The following DFFB variants were observed in gnomAD, a reference collection of about 807,000 sequenced individuals.
DFFB encodes the protein DNA fragmentation factor 40 kDa subunit.
Under a neutral mutation model 32.7 loss-of-function variants are expected in DFFB, and 29 were observed. The observed-to-expected ratio is 0.89, with a 90% confidence interval of 0.66 to 1.21. The LOEUF (loss-of-function observed/expected upper bound fraction) is 1.21. DFFB is among the 50% of genes most tolerant of loss of function. DFFB has a pLI of 0.00. For missense variants in DFFB, 398 were observed against 440.6 expected, an observed-to-expected ratio of 0.90 and a Z score of 0.87; for synonymous variants, 170 against 177.1, an observed-to-expected ratio of 0.96 and a Z score of 0.32.
chr1:3,877,709 C>T (rs12132240), intron 6 of DFFB, among the ~76,000 whole-genome samples: 22,832 of 152,016 alleles, frequency 0.15, 1,935 homozygotes, highest in East Asian at 0.29. Context: ...TTTTAGTTTC[C>T]GAGCATGTTT....
chr1:3,877,965 C>T (rs1388910638), intron 6 of DFFB, among the ~76,000 whole-genome samples: 1 of 152,086 alleles, frequency 6.6e-6, no homozygotes, highest in East Asian at 1.9e-4. Flanking sequence ...CCAAGGGTAA[C>T]AGCCTTTCGT....
intron 2 of DFFB, among the ~76,000 whole-genome samples, chr1:3,859,222 C>T (rs190293169): frequency 6.6e-6 from 1 of 151,880 alleles, no homozygotes; most frequent in Non-Finnish European, 1.5e-5. Context: ...GGCTGAGCAC[C>T]CTTCTGGAAG....
chr1:3,875,938 G>T (rs112611665), intron 6 of DFFB, among the ~76,000 whole-genome samples: 4,217 of 152,046 alleles, frequency 0.028, 169 homozygotes, highest in African/African-American at 0.096. Context: ...CACCACACCC[G>T]GCTAATTTTT....
At chr1:3,866,283 G>C (rs2124736988) in intron 3 of DFFB, 1 of 499,418 alleles carries the variant, frequency 2.0e-6, no homozygotes, top group East Asian at 5.4e-5. Flanking sequence ...CTGTCCCCCA[G>C]GCTGGAGTGC....
intron 4 of DFFB, among the ~76,000 whole-genome samples, chr1:3,868,623 C>T (rs1420010525): frequency 6.6e-6 from 1 of 151,964 alleles, no homozygotes. Flanking sequence ...GACCACACCA[C>T]ACCAGGCCAC....
intron 2 of DFFB, among the ~76,000 whole-genome samples, chr1:3,862,490 A>G (rs72848452): frequency 0.036 from 5,490 of 152,324 alleles, 354 homozygotes; most frequent in African/African-American, 0.13. Flanking sequence ...AGTAATCAAG[A>G]CTGACACTGG....
At chr1:3,866,117 G>A (rs1644975450) in intron 3 of DFFB, 117 bp downstream of exon 3, 1 of 866,062 alleles carries the variant, frequency 1.2e-6, no homozygotes, top group Admixed American at 2.5e-5. Flanking sequence ...GTGGGTTGAG[G>A]TGGGGGACTT....
intron 1 of DFFB, 146 bp from the exon 2 acceptor site, chr1:3,858,572 G>C (rs1304003477): frequency 3.0e-6 from 3 of 990,908 alleles, no homozygotes; most frequent in Non-Finnish European, 3.0e-6. Context: ...ATCCTTGCCT[G>C]GGCGTTGGAG....
chr1:3,866,633 A>G (rs1007141140), intron 3 of DFFB, among the ~76,000 whole-genome samples: 1 of 152,160 alleles, frequency 6.6e-6, no homozygotes, highest in Non-Finnish European at 1.5e-5. Context: ...GGCATTAGGT[A>G]CAGTCACATT....
rs199990676 is a variant in DFFB, at chr1:3,869,555, G to A, written c.511-50G>A. The A allele has an allele frequency of 2.6e-6, 4 of 1,567,900 alleles. No homozygotes were observed. The East Asian group carries it at 9.0e-5, about 35-fold the overall frequency. On this transcript the variant is annotated intron_variant, in intron 4 of 6. Coordinates refer to ENST00000378209, the MANE Select transcript of DFFB (RefSeq NM_004402.4). ...TGAGATGGATCGAGAGCCAGTGCGG[G>A]TTTTGGGGCGCTGTGCACCAGGCTC...
chr1:3,878,290 T>C (rs1179454832), intron 6 of DFFB, among the ~76,000 whole-genome samples: 1 of 152,150 alleles, frequency 6.6e-6, no homozygotes, highest in Non-Finnish European at 1.5e-5. Context: ...TAGCTGGGAT[T>C]ACAGGCACCT....
intron 2 of DFFB, among the ~76,000 whole-genome samples, chr1:3,863,868 G>C (rs957726829): frequency 1.3e-5 from 2 of 152,130 alleles, no homozygotes; most frequent in African/African-American, 4.8e-5. Flanking sequence ...AGAGTATGAG[G>C]TTTCTTTTTG....
rs147517965 is a variant in DFFB, at chr1:3,858,817, C to G, written c.214C>G (p.Leu72Val). ...TCCCGACAACGCCGAGCTGGTGCTG[C>G]TCACCTTGGGCCAGGCCTGGCAGGG... ...SVPDNAELVLLTLGQAWQGYV... is the reference protein window; with the variant it reads ...SVPDNAELVLVTLGQAWQGYV... Residue 72 changes from leucine (L) to valine (V), a missense_variant, in exon 2 of 7, where the codon CTC (leucine) becomes GTC (valine). By Grantham distance (32) the Leu-to-Val change is conservative. Coordinates refer to ENST00000378209, the MANE Select transcript of DFFB (RefSeq NM_004402.4). 5.0e-6 allele frequency: 8 copies of G among 1,613,942 alleles called. No individual in the cohort carries two copies. In the African/African-American group the frequency reaches 1.1e-4, roughly 22 times the overall value.
intron 3 of DFFB, among the ~76,000 whole-genome samples, chr1:3,867,020 C>G (rs574653698): frequency 6.6e-6 from 1 of 152,174 alleles, no homozygotes; most frequent in African/African-American, 2.4e-5. Flanking sequence ...CTCAGCCTCC[C>G]GAGTAGCTGG....
chr1:3,868,026 G>C lies in DFFB; in HGVS notation c.483G>C (p.Glu161Asp). The change falls in exon 4 of 7, where the codon GAG becomes GAC. Residue 161 changes from glutamate (E) to aspartate (D), a missense_variant. Coordinates refer to ENST00000378209, the MANE Select transcript of DFFB (RefSeq NM_004402.4). ...SKSGYLRYSC[E>D]SRIRSYLREV... is the part of the protein sequence containing the mutation. Reference sequence around the variant, plus strand: ...CTGGCTATCTGAGATACAGCTGTGAGAGCCGGATCCGGAGTTACCTGAGGG... The same window carrying C: ...CTGGCTATCTGAGATACAGCTGTGACAGCCGGATCCGGAGTTACCTGAGGG... The C allele has an allele frequency of 6.2e-7, 1 of 1,614,150 alleles. No homozygotes were observed. Among genetic ancestry groups the C allele is most frequent in the Non-Finnish European group, 8.5e-7 (1 of 1,180,002 alleles).
chr1:3,875,845 C>T (rs1028828405), intron 6 of DFFB, among the ~76,000 whole-genome samples: 2 of 152,116 alleles, frequency 1.3e-5, no homozygotes, highest in African/African-American at 4.8e-5. Flanking sequence ...GGTGTGATTT[C>T]GGCTCACTGC....
chr1:3,858,959 G>A (rs995902473), intron 2 of DFFB, 115 bp downstream of exon 2: 13 of 1,449,940 alleles, frequency 9.0e-6, no homozygotes, highest in African/African-American at 4.2e-5. Context: ...GTGAACTCTC[G>A]GGTCTCAAGG....
chr1:3,868,376 A>G (rs1039637027), intron 4 of DFFB, among the ~76,000 whole-genome samples: 1 of 152,010 alleles, frequency 6.6e-6, no homozygotes, highest in African/African-American at 2.4e-5. Flanking sequence ...GGCAAGCGTC[A>G]CGGCAGACAC....
rs554910891 is a variant in DFFB at position 3,883,861 on chromosome 1, A to C, written c.*120A>C. 1 of 714,806 alleles carries C rather than the reference A, an allele frequency of 1.4e-6. No homozygotes were observed. The highest frequency in any genetic ancestry group is 1.8e-5 in the African/African-American group (1 of 55,568). 44.3% of individuals were successfully genotyped at this position (714,806 alleles called of 1,614,324 possible). On this transcript the variant is annotated 3_prime_UTR_variant, in exon 7 of 7. Transcript: ENST00000378209. Reference sequence around the variant, plus strand: ...GTCACTCCAGTAGCTCCTGGAAAAAACCTTAAAAAATGTTTCCTCCAAATC... The same window carrying C: ...GTCACTCCAGTAGCTCCTGGAAAAACCCTTAAAAAATGTTTCCTCCAAATC...
Sources: gnomAD v4.1 joint callset for allele counts (sites outside exome capture counted in the v4.1 genomes callset) on GRCh38, gnomAD v4.1.1 for gene constraint, MANE v1.5 for transcripts, NCBI Gene and HGNC (gene_info 2026-07-23, HGNC 2026-07-21) for gene names.